HMCN1: variants seen among roughly 807,000 people sequenced by gnomAD.
HMCN1 encodes hemicentin 1, also known as hemicentin-1.
A neutral mutation model predicts 625.9 loss-of-function variants in HMCN1; 321 were observed. The ratio of observed to expected loss-of-function variants is 0.51; its 90% CI spans 0.47 to 0.56. HMCN1 has a LOEUF of 0.56. Among genes scored for constraint, HMCN1 ranks in the 20% least tolerant of loss-of-function variants. The probability of loss-of-function intolerance (pLI) is 0.00; values close to 1 mark genes in which losing one functional copy is unlikely to be tolerated. For missense variants in HMCN1, 6,588 were observed against 6,887.3 expected (o/e 0.96, Z 1.54); for synonymous variants, 2,425 against 2,417.6 (o/e 1.00, Z -0.09).
intron 11 of HMCN1, among the ~76,000 whole-genome samples, chr1:185,960,674 T>A (rs1649949128): frequency 6.6e-6 from 1 of 152,234 alleles, no homozygotes; most frequent in South Asian, 2.1e-4. Flanking sequence ...CCAGGCCATT[T>A]CTGGCAGACT....
rs185196910 is a variant in HMCN1 at position 186,092,982 on chromosome 1, G to A, written c.9888-152G>A. ...GTTCACTTCCTTTTTTTCTTATAAG[G>A]AGGTGGTAGATATGAGACTCGCTAC... On this transcript the variant is annotated intron_variant, in intron 64 of 106. Coordinates refer to ENST00000271588, the MANE Select transcript of HMCN1 (RefSeq NM_031935.3). 1,332 of 878,936 alleles carry A rather than the reference G, an allele frequency of 1.5e-3. 3 individuals carry two copies. Among genetic ancestry groups the A allele is most frequent in the Admixed American group, 2.3e-3 (119 of 52,854 alleles). The allele number at this position is 878,936 out of a possible 1,614,324, so 54.4% of individuals were successfully genotyped here.
rs1466051804 is a variant in HMCN1, at chr1:185,990,443, G to C, written c.3377G>C (p.Arg1126Thr). 1 of 1,613,700 alleles carries C rather than the reference G, an allele frequency of 6.2e-7. No homozygotes were observed. The part of the protein sequence containing the change: ...ETQLISPFSP[R>T]HTFLPSGSMK... ...CAGCTCATCTCACCGTTCTCTCCAA[G>C]GTAGGAGATCTGGGATGAATTGCAA... Residue 1126 changes from arginine to threonine, a missense_variant and splice_region_variant, in exon 22 of 107, where the codon AGA becomes ACA. Arg to Thr is a moderately conservative substitution (Grantham distance 71). This residue lies in a region of HMCN1 where 4,628 missense variants were observed against 4,853.1 expected (regional missense o/e 0.95). Coordinates refer to ENST00000271588, the MANE Select transcript of HMCN1 (RefSeq NM_031935.3).
At chr1:185,933,921 T>C in intron 11 of HMCN1, 97 bp downstream of exon 11, 118 of 862,370 alleles carry the variant, frequency 1.4e-4, no homozygotes, top group Non-Finnish European at 2.1e-4. Flanking sequence ...AGTGAGAGTA[T>C]CTACCCAAAT....
At chr1:185,966,614 G>A (rs963154799) in intron 14 of HMCN1, among the ~76,000 whole-genome samples, 23 of 151,896 alleles carry the variant, frequency 1.5e-4, no homozygotes, top group Non-Finnish European at 3.1e-4. Context: ...ACGGGAAAAA[G>A]AAAAAAAATC....
intron 18 of HMCN1, among the ~76,000 whole-genome samples, 171 bp from the exon 19 acceptor site, chr1:185,983,998 A>G (rs771948440): frequency 1.2e-4 from 18 of 152,186 alleles, no homozygotes; most frequent in Admixed American, 2.6e-4. Flanking sequence ...AAATTGTACA[A>G]TCACACTCTT....
At chr1:185,832,994 C>G (rs1431097216) in intron 1 of HMCN1, among the ~76,000 whole-genome samples, 1 of 152,198 alleles carries the variant, frequency 6.6e-6, no homozygotes, top group Non-Finnish European at 1.5e-5. Flanking sequence ...TCCATTGTTA[C>G]AGTAAGCACC....
At position 186,132,419 on chromosome 1, in the gene HMCN1, T is replaced by G; in HGVS notation, c.13312+10T>G. ...AGTCTGACTCTGCAAAGTAAGCTGC[T>G]TAATGAAACTAATTAAACACTTGAT... On this transcript the variant is annotated intron_variant, in intron 86 of 106. Coordinates refer to ENST00000271588, the MANE Select transcript of HMCN1 (RefSeq NM_031935.3). 1 of 1,592,570 alleles carries G rather than the reference T, an allele frequency of 6.3e-7. No homozygotes were observed. The highest frequency in any genetic ancestry group is 8.6e-7 in the Non-Finnish European group (1 of 1,163,832).
chr1:185,853,142 G>A (rs1662264078), intron 2 of HMCN1, among the ~76,000 whole-genome samples: 3 of 152,004 alleles, frequency 2.0e-5, no homozygotes, highest in African/African-American at 7.2e-5. Context: ...TTCAAAGTAG[G>A]AAAGTAAAGA....
At chr1:186,098,240 G>C (rs1021480100) in intron 68 of HMCN1, among the ~76,000 whole-genome samples, 1 of 152,006 alleles carries the variant, frequency 6.6e-6, no homozygotes, top group African/African-American at 2.4e-5. Context: ...CACAGCTAAG[G>C]AAACATTCAA....
chr1:186,062,700 C>A (rs528208185), intron 48 of HMCN1, 100 bp downstream of exon 48: 4 of 770,798 alleles, frequency 5.2e-6, no homozygotes, highest in African/African-American at 1.7e-5. Flanking sequence ...TTAGGGGGTA[C>A]AAGTGCGGTT....
At chr1:186,005,865 G>A (rs5021914) in intron 29 of HMCN1, among the ~76,000 whole-genome samples, 8,877 of 152,186 alleles carry the variant, frequency 0.058, 480 homozygotes, top group East Asian at 0.27. Context: ...GCCAGGCACC[G>A]TGGCTCACGC....
At position 186,108,577 on chromosome 1, in the gene HMCN1, A is replaced by G; in HGVS notation, c.10969A>G (p.Arg3657Gly). Residue 3657 changes from arginine (R) to glycine (G), a missense_variant, in exon 71 of 107, where the codon AGA becomes GGA. Coordinates refer to ENST00000271588, the MANE Select transcript of HMCN1 (RefSeq NM_031935.3). ...GCCCCCACCTGTAATTACTTGGCTC[A>G]GAAATGGAGAACGGTTACAGGTAAA... ...AVPPPVITWL[R>G]NGERLQATPR... 6.2e-7 allele frequency: 1 copy of G among 1,614,142 alleles called. No individual in the cohort carries two copies. Among genetic ancestry groups the G allele is most frequent in the Non-Finnish European group, 8.5e-7 (1 of 1,180,000 alleles).
intron 4 of HMCN1, among the ~76,000 whole-genome samples, chr1:185,872,403 T>C (rs534073194): frequency 1.3e-5 from 2 of 152,322 alleles, no homozygotes; most frequent in African/African-American, 4.8e-5. Flanking sequence ...CCATGTGTAC[T>C]TTCCATTTGT....
At chr1:185,811,604 TAAAAA>T (rs2102246650) in intron 1 of HMCN1, among the ~76,000 whole-genome samples, 1 of 149,138 alleles carries the variant, frequency 6.7e-6, no homozygotes, top group African/African-American at 2.5e-5. Flanking sequence ...TCTTGAAAAA[TAAAAA>T]TAAAAAAAAA....
intron 29 of HMCN1, among the ~76,000 whole-genome samples, chr1:186,005,134 T>A (rs956477896): frequency 2.7e-5 from 4 of 150,108 alleles, no homozygotes; most frequent in African/African-American, 2.5e-5. Context: ...AACAATTTTT[T>A]AATTGTTTAT....
At chr1:186,187,466 C>T (rs1653407045) in intron 105 of HMCN1, among the ~76,000 whole-genome samples, 1 of 152,192 alleles carries the variant, frequency 6.6e-6, no homozygotes, top group Non-Finnish European at 1.5e-5. Context: ...GCAAGGATCA[C>T]TCACATTTTA....
intron 5 of HMCN1, among the ~76,000 whole-genome samples, chr1:185,910,334 T>C (rs1311534028): frequency 1.3e-5 from 2 of 152,148 alleles, no homozygotes; most frequent in Non-Finnish European, 2.9e-5. Flanking sequence ...ATACAACGTC[T>C]TTCTCAAGAC....
chr1:185,766,544 A>G (rs1655885727), intron 1 of HMCN1, among the ~76,000 whole-genome samples: 1 of 152,142 alleles, frequency 6.6e-6, no homozygotes, highest in African/African-American at 2.4e-5. Flanking sequence ...GATGGCCCCA[A>G]AATCAAACCA....
At chr1:185,834,604 A>G (rs1661056467) in intron 1 of HMCN1, among the ~76,000 whole-genome samples, 1 of 152,160 alleles carries the variant, frequency 6.6e-6, no homozygotes, top group Non-Finnish European at 1.5e-5. Flanking sequence ...GTCTCTTTAT[A>G]ACTTAATCTT....
Sources: gnomAD v4.1 joint callset for allele counts (sites outside exome capture counted in the v4.1 genomes callset) on GRCh38, gnomAD v4.1.1 for gene constraint, gnomAD v4.1.1 regional missense constraint, MANE v1.5 for transcripts, NCBI Gene and HGNC (gene_info 2026-07-23, HGNC 2026-07-21) for gene names.